ABCC11: variants seen among roughly 807,000 people sequenced by gnomAD.
ABCC11 encodes the protein ATP binding cassette subfamily C member 11.
ABCC11 carries 135 observed loss-of-function variants against 149.3 expected under a neutral mutation model. The ratio of observed to expected loss-of-function variants is 0.90; its 90% confidence interval spans 0.79 to 1.04. The LOEUF is 1.04. ABCC11 is among the 50% of genes least tolerant of loss of function. The pLI is 0.00. For synonymous variants in ABCC11, 665 were observed against 671.4 expected (o/e 0.99, Z 0.15); for missense variants, 1,680 against 1,722.1 (o/e 0.98, Z 0.43).
chr16:48,170,056 C>G, intron 28 of ABCC11, 49 bp downstream of exon 28: 1 of 1,519,070 alleles, frequency 6.6e-7, no homozygotes, highest in Non-Finnish European at 9.1e-7. Context: ...CTTCCCTCAT[C>G]ATGCGTAGTC....
chr16:48,195,561 C>T (rs1967327477), intron 18 of ABCC11, among the ~76,000 whole-genome samples: 1 of 152,204 alleles, frequency 6.6e-6, no homozygotes, highest in Non-Finnish European at 1.5e-5. Flanking sequence ...TCTTAAATTA[C>T]TTGATAAGTA....
At chr16:48,203,728 C>T (rs766716298) in intron 13 of ABCC11, among the ~76,000 whole-genome samples, 4 of 152,078 alleles carry the variant, frequency 2.6e-5, no homozygotes, top group Non-Finnish European at 5.9e-5. Context: ...ATTAACTGGG[C>T]GTGCTGGTGC....
chr16:48,186,647 G>C (rs1176761863), intron 22 of ABCC11, among the ~76,000 whole-genome samples: 2 of 152,160 alleles, frequency 1.3e-5, no homozygotes, highest in Admixed American at 6.5e-5. Flanking sequence ...ATAACATAAT[G>C]CAAGATGTGT....
intron 23 of ABCC11, among the ~76,000 whole-genome samples, chr16:48,182,114 T>C (rs1481062334): frequency 6.6e-6 from 1 of 152,226 alleles, no homozygotes; most frequent in African/African-American, 2.4e-5. Flanking sequence ...CCCCTTTGCA[T>C]GCCCAAAATA....
At chr16:48,214,132 C>G (rs1969146124) in intron 9 of ABCC11, among the ~76,000 whole-genome samples, 1 of 152,148 alleles carries the variant, frequency 6.6e-6, no homozygotes, top group South Asian at 2.1e-4. Context: ...CTCCTTCTTT[C>G]TTCTCCTGGC....
intron 23 of ABCC11, 40 bp from the exon 24 acceptor site, chr16:48,178,726 G>A: frequency 1.3e-6 from 2 of 1,577,638 alleles, no homozygotes; most frequent in South Asian, 1.1e-5. Flanking sequence ...AGAGGCTGCT[G>A]GGGTGTGCTC....
Position 48,231,812 on chromosome 16 carries a change from G to C in ABCC11, c.99+11C>G. 6.2e-7 allele frequency: 1 copy of C among 1,613,844 alleles called. No individual in the cohort carries two copies. The highest frequency in any genetic ancestry group is 8.5e-7 in the Non-Finnish European group (1 of 1,179,812). On this transcript the variant is annotated intron_variant, in intron 2 of 29. Transcript: ENST00000356608. Reference sequence around the variant, plus strand: ...GTTTCCTGGTGTGCTGATGCTAAGAGATCTACTTACATAAATAAGTCCTGA... The same window carrying C: ...GTTTCCTGGTGTGCTGATGCTAAGACATCTACTTACATAAATAAGTCCTGA...
intron 23 of ABCC11, among the ~76,000 whole-genome samples, chr16:48,181,728 A>G (rs1858383605): frequency 6.6e-6 from 1 of 151,656 alleles, no homozygotes; most frequent in South Asian, 2.1e-4. Context: ...CTCCTGCCTC[A>G]GCCTCCTGAG....
In ABCC11 at chr16:48,167,170, G is replaced by A. The variant is rs1158233112; in HGVS notation, c.*104C>T. 6.4e-6 allele frequency: 4 copies of A among 622,252 alleles called. No individual in the cohort carries two copies. Among genetic ancestry groups the A allele is most frequent in the Non-Finnish European group, 1.2e-5 (4 of 329,772 alleles). The allele number at this position is 622,252 out of a possible 1,614,324, so 38.5% of individuals were successfully genotyped here. A position where few individuals can be genotyped will look rare whatever the true frequency, so the allele number is the denominator to read the frequency against. On this transcript the variant is annotated 3_prime_UTR_variant, in exon 30 of 30. Coordinates refer to ENST00000356608, the MANE Select transcript of ABCC11 (RefSeq NM_001370497.1). ...ACATTTACCCCTGCTTCCAGGAGAA[G>A]TTCTCATCTCCAAACAAGAAGGTCG...
chr16:48,216,431 T>G (rs1436006230), intron 6 of ABCC11, 144 bp from the exon 7 acceptor site: 1 of 701,088 alleles, frequency 1.4e-6, no homozygotes, highest in East Asian at 2.7e-5. Flanking sequence ...CAGGTTCACA[T>G]CTTTCTTCTC....
intron 14 of ABCC11, among the ~76,000 whole-genome samples, chr16:48,201,571 C>T (rs1431314913): frequency 2.0e-5 from 3 of 151,090 alleles, no homozygotes; most frequent in Non-Finnish European, 1.5e-5. Context: ...CCTTGGCCTC[C>T]CAAGGTGCTG....
chr16:48,165,651 G>A (rs940697314), downstream of ABCC11: 4 of 152,156 alleles, frequency 2.6e-5, no homozygotes, highest in Admixed American at 6.5e-5. Flanking sequence ...CCCTGTTCTG[G>A]ATCGGCCTGT....
intron 1 of ABCC11, among the ~76,000 whole-genome samples, chr16:48,243,675 C>A (rs1485037810): frequency 1.3e-5 from 2 of 152,116 alleles, no homozygotes; most frequent in South Asian, 4.1e-4. Context: ...TATATAGGAA[C>A]TCTGCTGTAG....
At chr16:48,210,844 G>A in intron 11 of ABCC11, 104 bp downstream of exon 11, 3 of 1,454,356 alleles carry the variant, frequency 2.1e-6, no homozygotes, top group Middle Eastern at 2.2e-4. Flanking sequence ...TCTTGGAGAG[G>A]GCAGTTTTTA....
At chr16:48,216,477 C>T (rs895032743) in intron 6 of ABCC11, among the ~76,000 whole-genome samples, 190 bp from the exon 7 acceptor site, 2 of 152,194 alleles carry the variant, frequency 1.3e-5, no homozygotes, top group African/African-American at 4.8e-5. Context: ...TACTTTACCA[C>T]TCTGAGCCTC....
At chr16:48,215,869 G>A (rs1020723754) in intron 7 of ABCC11, among the ~76,000 whole-genome samples, 11 of 152,290 alleles carry the variant, frequency 7.2e-5, no homozygotes, top group African/African-American at 2.2e-4. Flanking sequence ...GAAAGTTGTC[G>A]AAGCAGATAA....
intron 6 of ABCC11, 79 bp downstream of exon 6, chr16:48,222,519 T>G: frequency 1.6e-6 from 2 of 1,245,600 alleles, no homozygotes; most frequent in Non-Finnish European, 2.3e-6. Flanking sequence ...CTTTTCTCCC[T>G]CTCTTGGCCC....
chr16:48,175,601 G>T lies in ABCC11; in HGVS notation c.3539-184C>A, dbSNP rs569374723. ...CAGGTGATACCTAATGCCATGAGCA[G>T]CTTGTTACAGCCTAGATCAGAGGGC... On this transcript the variant is annotated intron_variant, in intron 25 of 29. Coordinates refer to ENST00000356608, the MANE Select transcript of ABCC11 (RefSeq NM_001370497.1). Among the ~76,000 whole-genome samples, 7 of 152,350 alleles carry T rather than the reference G, an allele frequency of 4.6e-5. No individual in the cohort carries two copies. The South Asian group carries it at 1.4e-3, about 32-fold the overall frequency.
In ABCC11 at chr16:48,247,309, G is replaced by C. The variant is rs1971457902; in HGVS notation, c.-19+5C>G. The C allele has an allele frequency of 6.5e-6, 1 of 152,806 alleles. No homozygotes were observed. The highest frequency in any genetic ancestry group is 1.5e-5 in the Non-Finnish European group (1 of 68,466). 9.5% of individuals were successfully genotyped at this position (152,806 alleles called of 1,614,324 possible). A position where few individuals can be genotyped will look rare whatever the true frequency, so the allele number is the denominator to read the frequency against. On this transcript the variant is annotated splice_donor_5th_base_variant and intron_variant, in intron 1 of 29. Transcript: ENST00000356608. The stretch of plus-strand genomic sequence containing the variant: ...CCACGCACAAGTCTGTCCTTCCCCA[G>C]TTACCTGCTTTTCTGTATGGTAGCC...
Sources: gnomAD v4.1 joint callset for allele counts (sites outside exome capture counted in the v4.1 genomes callset) on GRCh38, gnomAD v4.1.1 for gene constraint, MANE v1.5 for transcripts, NCBI Gene and HGNC (gene_info 2026-07-23, HGNC 2026-07-21) for gene names.